Variants in VPS35L observed in about 807,000 individuals in gnomAD.
VPS35L encodes the protein VPS35 endosomal protein-sorting factor-like.
A neutral mutation model predicts 133.0 loss-of-function variants in VPS35L; 83 were observed. The ratio of observed to expected loss-of-function variants is 0.62; its 90% CI spans 0.52 to 0.75. The LOEUF is 0.75. Ranked by LOEUF, VPS35L falls within the 30% of genes least tolerant of loss-of-function variation. The probability of loss-of-function intolerance (pLI) is 0.00; values close to 1 mark genes in which losing one functional copy is unlikely to be tolerated. For synonymous variants in VPS35L, 423 were observed against 449.9 expected, an observed-to-expected ratio of 0.94 and a Z score of 0.76; for missense variants, 1,083 against 1,206.8, an observed-to-expected ratio of 0.90 and a Z score of 1.52.
At chr16:19,578,939 A>C (rs773888000) in intron 5 of VPS35L, 113 bp from the exon 6 acceptor site, 2 of 862,296 alleles carry the variant, frequency 2.3e-6, no homozygotes, top group African/African-American at 1.7e-5. Context: ...TCTATAATGG[A>C]ATCATTCCCT....
intron 28 of VPS35L, among the ~76,000 whole-genome samples, chr16:19,684,376 C>T (rs1298027420): frequency 2.6e-5 from 4 of 152,316 alleles, no homozygotes; most frequent in Admixed American, 2.6e-4. Context: ...ACCAACTCTA[C>T]ACTTGCAAGT....
intron 27 of VPS35L, among the ~76,000 whole-genome samples, chr16:19,674,351 C>G (rs1292348827): frequency 7.1e-6 from 1 of 141,608 alleles, no homozygotes; most frequent in Non-Finnish European, 1.6e-5. Context: ...ACCACCACAC[C>G]TGGCTAATTT....
At chr16:19,587,712 G>A (rs1022596540) in intron 7 of VPS35L, among the ~76,000 whole-genome samples, 12 of 150,038 alleles carry the variant, frequency 8.0e-5, no homozygotes, top group Non-Finnish European at 1.3e-4. Context: ...AAAATCAATC[G>A]ACCATAAATG....
intron 28 of VPS35L, among the ~76,000 whole-genome samples, chr16:19,686,190 G>A (rs943678789): frequency 2.6e-5 from 4 of 152,152 alleles, no homozygotes; most frequent in African/African-American, 9.7e-5. Flanking sequence ...CAGGTTGTGG[G>A]GGCTCCTTTT....
rs114920034 is a variant in VPS35L, at chr16:19,633,602, G to A, written c.1635+430G>A. On this transcript the variant is annotated intron_variant, in intron 19 of 30. Coordinates refer to ENST00000417362, the MANE Select transcript of VPS35L (RefSeq NM_020314.7). The surrounding 1 kb of genome is among the most constrained non-coding windows in gnomAD (Gnocchi z 4.1). ...TGCGATCACCGCTTGGCACAGCCTC[G>A]ACTTCCTGGGCTTAAGCATAATTTT... 5.4e-3 allele frequency among the ~76,000 whole-genome samples: 824 copies of A among 151,578 alleles called. 6 individuals are homozygous for A. Among genetic ancestry groups the A allele is most frequent in the African/African-American group, 0.019 (775 of 41,298 alleles).
intron 26 of VPS35L, among the ~76,000 whole-genome samples, chr16:19,663,632 G>C (rs183648801): frequency 9.7e-6 from 1 of 103,594 alleles, no homozygotes; most frequent in East Asian, 3.4e-4. Flanking sequence ...CTCTTTATTA[G>C]CTATATTACT....
rs62024154 is a variant in VPS35L, at chr16:19,697,779, C to T, written c.2647-1723C>T. On this transcript the variant is annotated intron_variant, in intron 29 of 30. Transcript: ENST00000417362. ...CATGGCACTGGCAAGTCAGCCCTTT[C>T]TGAGTGCGATTCCTGATAAGATGCG... 9.6e-3 allele frequency among the ~76,000 whole-genome samples: 1,455 copies of T among 152,326 alleles called. 14 individuals are homozygous for T. The highest frequency in any genetic ancestry group is 0.054 in the Middle Eastern group (16 of 294).
intron 25 of VPS35L, 40 bp from the exon 26 acceptor site, chr16:19,651,936 C>A: frequency 7.2e-7 from 1 of 1,389,684 alleles, no homozygotes; most frequent in Non-Finnish European, 1.0e-6. Flanking sequence ...ATTCTGCCAC[C>A]GTTGCACTGC....
chr16:19,593,236 A>G (rs574769557), intron 8 of VPS35L, among the ~76,000 whole-genome samples: 1 of 152,306 alleles, frequency 6.6e-6, no homozygotes, highest in East Asian at 1.9e-4. Flanking sequence ...TCTAAGCTGT[A>G]TATGATGTGC....
chr16:19,624,007 T>C (rs1190637941), intron 14 of VPS35L, among the ~76,000 whole-genome samples: 1 of 150,624 alleles, frequency 6.6e-6, no homozygotes, highest in Non-Finnish European at 1.5e-5. Flanking sequence ...TTTCGCCATG[T>C]TGCCCAGACT....
intron 2 of VPS35L, among the ~76,000 whole-genome samples, chr16:19,567,889 G>A (rs1287386096): frequency 6.6e-6 from 1 of 151,734 alleles, no homozygotes; most frequent in Non-Finnish European, 1.5e-5. Context: ...AAGATTGCTT[G>A]TGCCCAGGAT....
At chr16:19,654,552 A>T (rs1974239246) in intron 26 of VPS35L, among the ~76,000 whole-genome samples, 1 of 152,062 alleles carries the variant, frequency 6.6e-6, no homozygotes. Flanking sequence ...TCTTGAAAAA[A>T]AAAAAAAGAA....
At chr16:19,600,735 A>G (rs2151537442) in intron 8 of VPS35L, among the ~76,000 whole-genome samples, 1 of 152,330 alleles carries the variant, frequency 6.6e-6, no homozygotes, top group South Asian at 2.1e-4. Flanking sequence ...TAAAAGAGTG[A>G]AAAGCACGCT....
chr16:19,575,927 G>C (rs113975387), intron 5 of VPS35L, among the ~76,000 whole-genome samples: 1 of 141,874 alleles, frequency 7.0e-6, no homozygotes, highest in Non-Finnish European at 1.5e-5. Context: ...AGGCCAAGGC[G>C]GGCAGATCAC....
At chr16:19,656,197 G>A (rs1974293072) in intron 26 of VPS35L, among the ~76,000 whole-genome samples, 1 of 149,018 alleles carries the variant, frequency 6.7e-6, no homozygotes, top group Non-Finnish European at 1.5e-5. Flanking sequence ...CCAGGAGGCA[G>A]AGGTTACAGT....
chr16:19,579,088 A>G lies in VPS35L; in HGVS notation c.470A>G (p.Lys157Arg). Residue 157 changes from lysine (K) to arginine (R), a missense_variant, in exon 6 of 31, where the codon AAG becomes AGG. By Grantham distance (26) the Lys-to-Arg change is conservative. Transcript: ENST00000417362. ...ACTGCCACATTGGCAATGTCAGAGAAGGTGCGGACCCGGCTGGAGGAGCTG... is the reference window on the plus strand; with the variant it reads ...ACTGCCACATTGGCAATGTCAGAGAGGGTGCGGACCCGGCTGGAGGAGCTG... ...AGTATLAMSE[K>R]VRTRLEELDD... is the part of the protein sequence containing the mutation. The G allele has an allele frequency of 6.2e-7, 1 of 1,614,172 alleles. No homozygotes were observed. The highest frequency in any genetic ancestry group is 1.7e-5 in the Admixed American group (1 of 60,018).
chr16:19,630,326 G>GTTTTTTTTTTTTTTTTTTTTTTTTT (rs201807727), intron 18 of VPS35L, among the ~76,000 whole-genome samples: 2 of 106,516 alleles, frequency 1.9e-5, no homozygotes, highest in Non-Finnish European at 3.7e-5. Context: ...AGTCCTAAAA[G>GTTTTTTTTTTTTTTTTTTTTTTTTT]TTTTTTTTTT....
intron 28 of VPS35L, among the ~76,000 whole-genome samples, chr16:19,690,649 G>A (rs1398363798): frequency 6.6e-6 from 1 of 152,060 alleles, no homozygotes; most frequent in Admixed American, 6.5e-5. Flanking sequence ...CCCTAAAAGG[G>A]AGATATTAAT....
intron 3 of VPS35L, among the ~76,000 whole-genome samples, chr16:19,571,667 A>G (rs1420478353): frequency 2.6e-5 from 4 of 151,512 alleles, no homozygotes; most frequent in Non-Finnish European, 5.9e-5. Context: ...GCCTCAGCCT[A>G]CCTAGTAGCT....
Sources: gnomAD v4.1 joint callset for allele counts (sites outside exome capture counted in the v4.1 genomes callset) on GRCh38, gnomAD v4.1.1 for gene constraint, Gnocchi (gnomAD v3.1) non-coding constraint, MANE v1.5 for transcripts, NCBI Gene and HGNC (gene_info 2026-07-23, HGNC 2026-07-21) for gene names.